ANK3: variants seen among roughly 807,000 people sequenced by gnomAD.
ANK3 encodes ankyrin 3.
A neutral mutation model predicts 370.9 loss-of-function variants in ANK3; 57 were observed. The observed-to-expected ratio is 0.15, with a 90% CI of 0.12 to 0.19. The LOEUF is 0.19. Ranked by LOEUF, ANK3 falls within the 10% of genes least tolerant of loss-of-function variation. The probability of loss-of-function intolerance (pLI) is 1.00; values close to 1 mark genes in which losing one functional copy is unlikely to be tolerated. For synonymous variants in ANK3, 1,929 were observed against 1,946.3 expected, an observed-to-expected ratio of 0.99 and a Z score of 0.23; for missense variants, 4,439 against 5,302.1, an observed-to-expected ratio of 0.84 and a Z score of 5.06.
intron 1 of ANK3, among the ~76,000 whole-genome samples, chr10:60,697,851 C>G: frequency 6.6e-6 from 1 of 151,632 alleles, no homozygotes; most frequent in East Asian, 1.9e-4. Flanking sequence ...TGGGCAAGGA[C>G]TTCATGTCTA....
chr10:60,300,492 C>A, intron 1 of ANK3: 1 of 1,263,770 alleles, frequency 7.9e-7, no homozygotes. Context: ...TGGTCAGAAG[C>A]AACTAACTAG....
intron 42 of ANK3, among the ~76,000 whole-genome samples, chr10:60,054,286 C>G (rs1431535714): frequency 1.3e-5 from 2 of 152,132 alleles, no homozygotes; most frequent in Admixed American, 1.3e-4. Context: ...ACTCACACCA[C>G]TTAAATATAC....
intron 13 of ANK3, among the ~76,000 whole-genome samples, chr10:60,199,627 G>A (rs2096642458): frequency 6.6e-6 from 1 of 151,938 alleles, no homozygotes; most frequent in African/African-American, 2.4e-5. Context: ...CCCAATAGCA[G>A]CAGATAAGTG....
intron 4 of ANK3, among the ~76,000 whole-genome samples, chr10:60,274,575 C>A (rs2098056209): frequency 6.6e-6 from 1 of 152,094 alleles, no homozygotes; most frequent in Non-Finnish European, 1.5e-5. Flanking sequence ...TCTGTTTTCT[C>A]TTTTAGGTCC....
At chr10:60,377,654 G>A (rs1448228084) in intron 1 of ANK3, among the ~76,000 whole-genome samples, 4 of 152,108 alleles carry the variant, frequency 2.6e-5, no homozygotes, top group Non-Finnish European at 2.9e-5. Flanking sequence ...TAATAAAAAT[G>A]AAAGTAAAAG....
At chr10:60,495,251 T>A (rs1043820157) in intron 2 of ANK3, among the ~76,000 whole-genome samples, 1 of 152,184 alleles carries the variant, frequency 6.6e-6, no homozygotes, top group Non-Finnish European at 1.5e-5. Flanking sequence ...TATAGTAAGA[T>A]CCCTGAGGTT....
intron 1 of ANK3, among the ~76,000 whole-genome samples, chr10:60,319,911 TCCAGA>T (rs2048268063): frequency 6.6e-6 from 1 of 152,132 alleles, no homozygotes; most frequent in African/African-American, 2.4e-5. Flanking sequence ...CCCATGACAT[TCCAGA>T]CAAGAGTTTC....
chr10:60,131,311 T>C (rs2132173728), intron 25 of ANK3, among the ~76,000 whole-genome samples: 1 of 152,340 alleles, frequency 6.6e-6, no homozygotes, highest in East Asian at 1.9e-4. Context: ...TTTGCATGGA[T>C]CTGAGTAGTG....
intron 8 of ANK3, among the ~76,000 whole-genome samples, chr10:60,232,652 A>C (rs1390728894): frequency 6.6e-6 from 1 of 152,110 alleles, no homozygotes; most frequent in Non-Finnish European, 1.5e-5. Context: ...CTTTTAAGGT[A>C]CATACATGGT....
chr10:60,594,341 C>T (rs1190825194), intron 2 of ANK3, among the ~76,000 whole-genome samples: 1 of 152,186 alleles, frequency 6.6e-6, no homozygotes, highest in Non-Finnish European at 1.5e-5. Flanking sequence ...ACCCATCATA[C>T]TAGGCAACAG....
chr10:60,297,469 C>A (rs2042782382), intron 1 of ANK3, among the ~76,000 whole-genome samples: 2 of 151,964 alleles, frequency 1.3e-5, no homozygotes, highest in Admixed American at 1.3e-4. Context: ...GTTATATTAT[C>A]TAATTATATA....
At chr10:60,400,604 AGCAGGTGCAGTCT>A (rs1214303643) in intron 2 of ANK3, among the ~76,000 whole-genome samples, 6 of 152,332 alleles carry the variant, frequency 3.9e-5, no homozygotes, top group Admixed American at 6.5e-5. Flanking sequence ...TATTTATAAA[AGCAGGTGCAGTCT>A]GCAGGTGCAG....
At chr10:60,503,257 T>C (rs973336214) in intron 2 of ANK3, among the ~76,000 whole-genome samples, 19 of 152,176 alleles carry the variant, frequency 1.2e-4, no homozygotes, top group Admixed American at 6.5e-4. Flanking sequence ...ATGCAACTTA[T>C]AAATTTAATT....
At chr10:60,212,972 G>A (rs1414964853) in intron 9 of ANK3, among the ~76,000 whole-genome samples, 1 of 152,064 alleles carries the variant, frequency 6.6e-6, no homozygotes, top group Non-Finnish European at 1.5e-5. Context: ...CAATCAAGGT[G>A]CAGTCTTTCC....
chr10:60,308,533 C>T lies in ANK3; in HGVS notation c.115-28894G>A, dbSNP rs2045680794. ...TCAGGTGATCTGCCTGCCTCGGCCT[C>T]CCAAATTGCTGGGATTACAGACGTG... is the stretch of plus-strand genomic sequence containing the variant. On this transcript the variant is annotated intron_variant, in intron 1 of 43. Transcript: ENST00000280772. 2.0e-5 allele frequency among the ~76,000 whole-genome samples: 3 copies of T among 152,114 alleles called. No homozygotes were observed. In the South Asian group the frequency reaches 6.2e-4, roughly 32 times the overall value.
chr10:60,210,597 A>C (rs577629985), intron 9 of ANK3, among the ~76,000 whole-genome samples: 1 of 152,326 alleles, frequency 6.6e-6, no homozygotes, highest in Non-Finnish European at 1.5e-5. Flanking sequence ...CAAACACAGC[A>C]GGTGTAATAG....
chr10:60,209,083 T>G (rs555075423), intron 9 of ANK3, among the ~76,000 whole-genome samples: 1 of 152,180 alleles, frequency 6.6e-6, no homozygotes, highest in African/African-American at 2.4e-5. Context: ...TGTTTCCTAA[T>G]GAAGGCAAAA....
intron 1 of ANK3, among the ~76,000 whole-genome samples, chr10:60,681,797 C>T (rs967776517): frequency 1.3e-5 from 2 of 152,132 alleles, no homozygotes; most frequent in Non-Finnish European, 2.9e-5. Flanking sequence ...TATATTAAGA[C>T]CTTGATAATG....
chr10:60,697,685 A>G lies in ANK3; in HGVS notation c.57+35578T>C, dbSNP rs1355077322. On this transcript the variant is annotated intron_variant, in intron 1 of 43. Transcript: ENST00000373827. The stretch of plus-strand genomic sequence containing the variant: ...TCCCTATTTAATAAATGGTGCTGGG[A>G]AAACTGGCTAGCCATATGGAGAAAG... Among the ~76,000 whole-genome samples, 5 of 151,544 alleles carry G rather than the reference A, an allele frequency of 3.3e-5. No individual in the cohort carries two copies. The East Asian group carries it at 9.7e-4, about 29-fold the overall frequency.
Sources: gnomAD v4.1 joint callset for allele counts (sites outside exome capture counted in the v4.1 genomes callset) on GRCh38, gnomAD v4.1.1 for gene constraint, MANE v1.5 for transcripts, NCBI Gene and HGNC (gene_info 2026-07-23, HGNC 2026-07-21) for gene names.